ESYT2: variants seen among roughly 807,000 people sequenced by gnomAD.
ESYT2 encodes the protein extended synaptotagmin 2.
Under a neutral mutation model 107.2 loss-of-function variants are expected in ESYT2, and 54 were observed. The observed-to-expected ratio is 0.50, with a 90% confidence interval of 0.40 to 0.63. The LOEUF is 0.63. ESYT2 is among the 30% of genes least tolerant of loss of function. ESYT2 has a pLI of 0.00. For synonymous variants in ESYT2, 491 were observed against 434.1 expected (o/e 1.13, Z -1.63); for missense variants, 1,020 against 1,094.5 (o/e 0.93, Z 0.96).
chr7:158,795,600 C>G (rs1034205110), intron 3 of ESYT2, among the ~76,000 whole-genome samples: 3 of 116,184 alleles, frequency 2.6e-5, no homozygotes, highest in Non-Finnish European at 5.5e-5. Flanking sequence ...ACAGACAGAG[C>G]ATGCAGCCCC....
intron 6 of ESYT2, among the ~76,000 whole-genome samples, chr7:158,775,074 T>C (rs1465626198): frequency 1.3e-5 from 2 of 152,202 alleles, no homozygotes; most frequent in Non-Finnish European, 2.9e-5. Context: ...AGCAGTGCAG[T>C]AAAGGGAATA....
intron 7 of ESYT2, among the ~76,000 whole-genome samples, chr7:158,771,495 G>A (rs1352284934): frequency 6.6e-6 from 1 of 152,220 alleles, no homozygotes; most frequent in Non-Finnish European, 1.5e-5. Flanking sequence ...GTCCAAGGGT[G>A]GCCCTTGCAC....
intron 1 of ESYT2, 57 bp downstream of exon 1, chr7:158,829,032 C>T (rs1430569149): frequency 2.6e-6 from 4 of 1,548,178 alleles, no homozygotes; most frequent in African/African-American, 1.4e-5. Flanking sequence ...CCTGCCTGGA[C>T]GAGGGGAGAT....
In ESYT2 at chr7:158,759,422, G is replaced by T. The variant is rs573302652; in HGVS notation, c.1419+64C>A. ...GATGCAGAGTGCTGCACAAAGCAGT[G>T]GTTATAAGCAAGAGCAGCTGCTAGG... On this transcript the variant is annotated intron_variant, in intron 13 of 22. Coordinates refer to ENST00000275418, the MANE Select transcript of ESYT2 (RefSeq NM_001367773.1). The T allele has an allele frequency of 4.2e-4, 542 of 1,292,792 alleles. 1 individual carries two copies. Among genetic ancestry groups the T allele is most frequent in the Non-Finnish European group, 5.5e-4 (500 of 905,336 alleles). 80.1% of individuals were successfully genotyped at this position (1,292,792 alleles called of 1,614,324 possible). A position where few individuals can be genotyped will look rare whatever the true frequency, so the allele number is the denominator to read the frequency against.
chr7:158,804,615 T>C (rs1342067005), intron 1 of ESYT2, among the ~76,000 whole-genome samples: 17 of 126,906 alleles, frequency 1.3e-4, no homozygotes, highest in South Asian at 2.6e-4. Context: ...CCCAAAGTGC[T>C]GAGAAAGGTG....
intron 13 of ESYT2, among the ~76,000 whole-genome samples, chr7:158,757,169 T>C (rs967405232): frequency 2.0e-5 from 3 of 152,086 alleles, no homozygotes; most frequent in Non-Finnish European, 2.9e-5. Context: ...CAGTGTTACA[T>C]TTCACAAAAC....
intron 18 of ESYT2, 73 bp from the exon 19 acceptor site, chr7:158,739,194 C>T: frequency 1.6e-6 from 2 of 1,265,836 alleles, no homozygotes; most frequent in Non-Finnish European, 2.3e-6. Flanking sequence ...GTCCACTGTA[C>T]ACGATAAAAT....
intron 7 of ESYT2, among the ~76,000 whole-genome samples, chr7:158,772,616 G>T (rs1838411711): frequency 2.0e-5 from 3 of 152,162 alleles, no homozygotes; most frequent in Admixed American, 2.0e-4. Context: ...CAACAGGTCT[G>T]CCACCCACAG....
At position 158,764,567 on chromosome 7, in the gene ESYT2, A is replaced by G. The variant is rs79454808; in HGVS notation, c.1101+110T>C. ...AAATTAAACAAGGAACATTTAAATG[A>G]TGGCCTAAATGAGCCACACTCCCAC... On this transcript the variant is annotated intron_variant, in intron 9 of 22. Transcript: ENST00000275418. 220 of 1,100,510 alleles carry G rather than the reference A, an allele frequency of 2.0e-4. 3 individuals carry two copies. In the South Asian group the frequency reaches 2.3e-3, roughly 11 times the overall value. 68.2% of individuals were successfully genotyped at this position (1,100,510 alleles called of 1,614,324 possible).
At chr7:158,755,777 T>G (rs1837734166) in intron 13 of ESYT2, among the ~76,000 whole-genome samples, 1 of 151,966 alleles carries the variant, frequency 6.6e-6, no homozygotes, top group Non-Finnish European at 1.5e-5. Flanking sequence ...GTCTTGATTT[T>G]CCTCATCTGT....
At chr7:158,826,225 C>G (rs908728172) in intron 1 of ESYT2, among the ~76,000 whole-genome samples, 1 of 152,040 alleles carries the variant, frequency 6.6e-6, no homozygotes, top group African/African-American at 2.4e-5. Context: ...TAATAAATAT[C>G]ACAAAATAGA....
At chr7:158,782,150 AGTGT>A (rs1362597876) in intron 6 of ESYT2, among the ~76,000 whole-genome samples, 2 of 150,598 alleles carry the variant, frequency 1.3e-5, no homozygotes, top group Non-Finnish European at 2.9e-5. Flanking sequence ...TGAGTGAACA[AGTGT>A]GAGTGTGAGA....
At position 158,822,164 on chromosome 7, in the gene ESYT2, A is replaced by G. The variant is rs74579204; in HGVS notation, c.330+6925T>C. On this transcript the variant is annotated intron_variant, in intron 1 of 22. Coordinates refer to ENST00000275418, the MANE Select transcript of ESYT2 (RefSeq NM_001367773.1). Reference sequence around the variant, plus strand: ...AGAATCGTCATGAAAACTAAAAAAGATAATGACTTGCCAAACCATAACAAA... The same window carrying G: ...AGAATCGTCATGAAAACTAAAAAAGGTAATGACTTGCCAAACCATAACAAA... Among the ~76,000 whole-genome samples, 33 of 152,374 alleles carry G rather than the reference A, an allele frequency of 2.2e-4. 1 individual carries two copies. The highest frequency in any genetic ancestry group is 1.9e-3 in the South Asian group (9 of 4,832).
chr7:158,771,718 G>A (rs568968343), intron 7 of ESYT2, among the ~76,000 whole-genome samples: 4 of 152,302 alleles, frequency 2.6e-5, no homozygotes, highest in East Asian at 3.9e-4. Context: ...TCCAGCTGCC[G>A]AGCAGGAAAC....
At chr7:158,798,177 G>A in intron 2 of ESYT2, 101 bp from the exon 3 acceptor site, 1 of 1,236,016 alleles carries the variant, frequency 8.1e-7, no homozygotes. Context: ...ACCTGGTTTT[G>A]AAAATAAAGG....
chr7:158,802,283 C>T (rs146228045), intron 1 of ESYT2, among the ~76,000 whole-genome samples: 3 of 151,620 alleles, frequency 2.0e-5, no homozygotes, highest in East Asian at 1.9e-4. Context: ...GTCCTATGCA[C>T]GATATAAGCA....
At chr7:158,737,923 C>CCA in intron 19 of ESYT2, among the ~76,000 whole-genome samples, 1 of 152,298 alleles carries the variant, frequency 6.6e-6, no homozygotes, top group Non-Finnish European at 1.5e-5. Flanking sequence ...ATTAATGCAA[C>CCA]AGTCACCTGA....
intron 1 of ESYT2, among the ~76,000 whole-genome samples, chr7:158,814,274 A>C (rs1478392675): frequency 8.2e-6 from 1 of 121,978 alleles, no homozygotes; most frequent in East Asian, 2.5e-4. Context: ...ACTCCGTCTC[A>C]AAAAAAAAAA....
At chr7:158,787,498 G>A (rs1839152115) in intron 6 of ESYT2, among the ~76,000 whole-genome samples, 1 of 152,200 alleles carries the variant, frequency 6.6e-6, no homozygotes. Context: ...CTCTGGAAGG[G>A]AGAAGAGGGA....
Sources: allele counts gnomAD v4.1 joint callset (sites outside exome capture counted in the v4.1 genomes callset), GRCh38; gene constraint gnomAD v4.1.1; transcripts MANE v1.5; gene names NCBI Gene and HGNC (gene_info 2026-07-23, HGNC 2026-07-21).